Variants in MARCHF4 observed in about 807,000 individuals in gnomAD.
MARCHF4 encodes E3 ubiquitin-protein ligase MARCHF4.
In MARCHF4, 14 loss-of-function variants were observed where a neutral mutation model predicts 43.9. The ratio of observed to expected loss-of-function variants is 0.32; its 90% CI spans 0.21 to 0.50. MARCHF4 has a LOEUF of 0.50. MARCHF4 is among the 20% of genes least tolerant of loss of function. MARCHF4 has a pLI of 0.98. For missense variants in MARCHF4, 468 were observed against 536.7 expected (o/e 0.87, Z 1.27); for synonymous variants, 226 against 213.3 (o/e 1.06, Z -0.52).
chr2:216,317,467 G>A (rs187101990), intron 1 of MARCHF4, among the ~76,000 whole-genome samples: 54 of 152,242 alleles, frequency 3.5e-4, no homozygotes, highest in African/African-American at 1.2e-3. Flanking sequence ...AGGCTGGAGT[G>A]CAGTGGTGTG....
intron 1 of MARCHF4, among the ~76,000 whole-genome samples, chr2:216,364,222 CT>C (rs1283662653): frequency 6.6e-6 from 1 of 152,038 alleles, no homozygotes; most frequent in Admixed American, 6.6e-5. Flanking sequence ...TAAATGTTCT[CT>C]TTTCCCCAGT....
intron 1 of MARCHF4, among the ~76,000 whole-genome samples, chr2:216,314,259 C>T (rs1691735463): frequency 6.6e-6 from 1 of 152,020 alleles, no homozygotes; most frequent in African/African-American, 2.4e-5. Flanking sequence ...ATGGTTTCTG[C>T]CCTCCATAGA....
intron 3 of MARCHF4, among the ~76,000 whole-genome samples, chr2:216,271,716 C>G (rs1690941526): frequency 6.6e-6 from 1 of 152,148 alleles, no homozygotes; most frequent in South Asian, 2.1e-4. Flanking sequence ...TTGTCTCCCT[C>G]CCCAACAAGA....
chr2:216,367,262 G>A (rs1031499260), intron 1 of MARCHF4, among the ~76,000 whole-genome samples: 1 of 152,036 alleles, frequency 6.6e-6, no homozygotes, highest in Non-Finnish European at 1.5e-5. Flanking sequence ...TCCCTGAACA[G>A]AAATTAAAAC....
chr2:216,291,217 C>A (rs139516455), intron 1 of MARCHF4, among the ~76,000 whole-genome samples: 7 of 152,242 alleles, frequency 4.6e-5, no homozygotes, highest in Admixed American at 3.9e-4. Context: ...GGACATTTTT[C>A]CAAAAGCCAA....
intron 1 of MARCHF4, among the ~76,000 whole-genome samples, chr2:216,306,742 T>G (rs985851437): frequency 6.6e-6 from 1 of 152,154 alleles, no homozygotes; most frequent in Non-Finnish European, 1.5e-5. Flanking sequence ...TATAGATAAG[T>G]GAACTGAGGC....
In MARCHF4 at chr2:216,369,885, G is replaced by T. The variant is rs759930169; in HGVS notation, c.376C>A (p.Pro126Thr). Reference sequence around the variant, plus strand: ...GCACTGCTGAGCAGCGAGGCAGGTGGCTCTGTGGCTGGGCCACCCCAGTCA... The same window carrying T: ...GCACTGCTGAGCAGCGAGGCAGGTGTCTCTGTGGCTGGGCCACCCCAGTCA... Reference protein sequence around the residue: ...EDDWGGPATEPPASLLSSASS... With the variant: ...EDDWGGPATETPASLLSSASS... The change falls in exon 1 of 4, where the codon CCA (proline) becomes ACA (threonine). Residue 126 changes from proline (P) to threonine (T), a missense_variant. By Grantham distance (38) the Pro-to-Thr change is conservative. Transcript: ENST00000273067. The T allele has an allele frequency of 3.7e-6, 6 of 1,613,776 alleles. No individual in the cohort carries two copies. In the South Asian group the frequency reaches 5.5e-5, roughly 15 times the overall value.
intron 1 of MARCHF4, among the ~76,000 whole-genome samples, chr2:216,367,526 T>C (rs1031530418): frequency 6.6e-6 from 1 of 152,350 alleles, no homozygotes; most frequent in African/African-American, 2.4e-5. Flanking sequence ...TTATTACTAC[T>C]ATAACACAAT....
chr2:216,324,166 A>G (rs1269763392), intron 1 of MARCHF4, among the ~76,000 whole-genome samples: 1 of 148,208 alleles, frequency 6.7e-6, no homozygotes, highest in African/African-American at 2.5e-5. Flanking sequence ...ACAAACTACC[A>G]TCAGAGAATA....
intron 1 of MARCHF4, among the ~76,000 whole-genome samples, chr2:216,342,354 C>T (rs1215503572): frequency 6.6e-6 from 1 of 152,160 alleles, no homozygotes; most frequent in East Asian, 1.9e-4. Context: ...AACAGGAGAA[C>T]TCATCTGGAA....
chr2:216,365,931 G>A (rs559964098), intron 1 of MARCHF4, among the ~76,000 whole-genome samples: 1 of 152,292 alleles, frequency 6.6e-6, no homozygotes, highest in African/African-American at 2.4e-5. Flanking sequence ...TAAAGACTTT[G>A]ATGATGGAAA....
chr2:216,330,865 A>G (rs1692072801), intron 1 of MARCHF4, among the ~76,000 whole-genome samples: 1 of 152,176 alleles, frequency 6.6e-6, no homozygotes, highest in African/African-American at 2.4e-5. Flanking sequence ...TTATACATTT[A>G]TATTAGGAAA....
In MARCHF4 at chr2:216,259,198, AG is replaced by A; in HGVS notation, c.*113del. 1 of 1,458,466 alleles carries A rather than the reference AG, an allele frequency of 6.9e-7. No homozygotes were observed. Among genetic ancestry groups the A allele is most frequent in the Non-Finnish European group, 9.1e-7 (1 of 1,102,362 alleles). 90.3% of individuals were successfully genotyped at this position (1,458,466 alleles called of 1,614,324 possible). A position where few individuals can be genotyped will look rare whatever the true frequency, so the allele number is the denominator to read the frequency against. Reference sequence around the variant, plus strand: ...CTGACACTACCCCAGGGCTCCCGCCAGGTCCCCCACCCTCTGCCTGCTCCCT... The same window carrying A: ...CTGACACTACCCCAGGGCTCCCGCCAGTCCCCCACCCTCTGCCTGCTCCCT... On this transcript the variant is annotated 3_prime_UTR_variant, in exon 4 of 4. Coordinates refer to ENST00000273067, the MANE Select transcript of MARCHF4 (RefSeq NM_020814.3).
intron 1 of MARCHF4, among the ~76,000 whole-genome samples, chr2:216,328,210 G>T (rs113766260): frequency 6.6e-6 from 1 of 152,162 alleles, no homozygotes; most frequent in African/African-American, 2.4e-5. Flanking sequence ...TCGCTCTGAC[G>T]CCAGGCTAGA....
At chr2:216,304,980 T>TGCATGGAAGTCATTCAATTCA (rs1691559455) in intron 1 of MARCHF4, among the ~76,000 whole-genome samples, 1 of 152,094 alleles carries the variant, frequency 6.6e-6, no homozygotes, top group African/African-American at 2.4e-5. Context: ...ATTCATAGAC[T>TGCATGGAAGTCATTCAATTCA]GCATGGAAGT....
intron 1 of MARCHF4, among the ~76,000 whole-genome samples, chr2:216,353,157 A>T (rs1273099199): frequency 6.6e-6 from 1 of 152,168 alleles, no homozygotes; most frequent in East Asian, 1.9e-4. Flanking sequence ...TAAAAAAAAA[A>T]ATTGAGGCGA....
chr2:216,282,883 C>T (rs551739060), intron 2 of MARCHF4, among the ~76,000 whole-genome samples: 3 of 152,272 alleles, frequency 2.0e-5, no homozygotes, highest in African/African-American at 7.2e-5. Context: ...TTTTTCTCTG[C>T]CTCCCTCTCC....
intron 3 of MARCHF4, among the ~76,000 whole-genome samples, chr2:216,262,792 T>C (rs539141307): frequency 6.6e-6 from 1 of 152,210 alleles, no homozygotes; most frequent in Non-Finnish European, 1.5e-5. Flanking sequence ...ATTCCCATCC[T>C]GAAATGAAAT....
chr2:216,276,549 T>G (rs1574461081), intron 3 of MARCHF4, among the ~76,000 whole-genome samples: 1 of 152,202 alleles, frequency 6.6e-6, no homozygotes, highest in Non-Finnish European at 1.5e-5. Context: ...GCAACCAGTA[T>G]GTAAGTCTCC....
Sources: allele counts gnomAD v4.1 joint callset (sites outside exome capture counted in the v4.1 genomes callset), GRCh38; gene constraint gnomAD v4.1.1; transcripts MANE v1.5; gene names NCBI Gene and HGNC (gene_info 2026-07-23, HGNC 2026-07-21).